SULT1C2: variants seen among roughly 807,000 people sequenced by gnomAD.
SULT1C2 encodes sulfotransferase family 1C member 2.
SULT1C2 carries 27 observed loss-of-function variants against 36.0 expected under a neutral mutation model. The observed-to-expected ratio is 0.75, with a 90% CI of 0.55 to 1.03. SULT1C2 has a LOEUF of 1.03. SULT1C2 is among the 50% of genes least tolerant of loss of function. The pLI is 0.00. For synonymous variants in SULT1C2, 121 were observed against 116.0 expected, an observed-to-expected ratio of 1.04 and a Z score of -0.27; for missense variants, 395 against 359.2, an observed-to-expected ratio of 1.10 and a Z score of -0.80.
intron 4 of SULT1C2, chr2:108,301,138 G>C: frequency 1.1e-5 from 7 of 639,664 alleles, no homozygotes; most frequent in African/African-American, 1.8e-5. Flanking sequence ...GCAGGATCCA[G>C]ATTGAATGTT....
rs754579607 is a variant in SULT1C2 at position 108,294,316 on chromosome 2, A to G, written c.239A>G (p.His80Arg). Residue 80 changes from histidine (H) to arginine (R), a missense_variant, in exon 3 of 8, where the codon CAT becomes CGT. Coordinates refer to ENST00000251481, the MANE Select transcript of SULT1C2 (RefSeq NM_001056.4). Reference protein sequence around the residue: ...KCQRAIIQHRHPFIEWARPPQ... With the variant: ...KCQRAIIQHRRPFIEWARPPQ... ...CAGCGAGCCATCATCCAACACCGCC[A>G]TCCTTTCATTGAGTGGGCTCGGCCA... 6.2e-7 allele frequency: 1 copy of G among 1,613,944 alleles called. No individual in the cohort carries two copies. The highest frequency in any genetic ancestry group is 8.5e-7 in the Non-Finnish European group (1 of 1,179,926).
chr2:108,306,434 A>C (rs906142335), intron 7 of SULT1C2, among the ~76,000 whole-genome samples: 2 of 85,658 alleles, frequency 2.3e-5, no homozygotes, highest in African/African-American at 1.3e-4. Context: ...GCAAGACCCC[A>C]TCTCTACAAA....
chr2:108,289,718 A>T (rs1030464087), intron 1 of SULT1C2, among the ~76,000 whole-genome samples: 7 of 152,164 alleles, frequency 4.6e-5, no homozygotes, highest in Non-Finnish European at 7.4e-5. Flanking sequence ...GGCAGGAACC[A>T]TGTGCTGATG....
At position 108,293,788 on chromosome 2, in the gene SULT1C2, G is replaced by GC. The variant is rs1381152754; in HGVS notation, c.121_122insC (p.Asp41AlafsTer9). On this transcript the variant is annotated frameshift_variant, in exon 2 of 8. Transcript: ENST00000251481. LOFTEE classifies it high-confidence loss of function. ...CCAGAGCTTCGAGGCCAAACCAGAT[G>GC]ATCTCCTCATCTGCACCTACCCTAA... 6.2e-7 allele frequency: 1 copy of GC among 1,614,048 alleles called. No homozygotes were observed. Among genetic ancestry groups the GC allele is most frequent in the East Asian group, 2.2e-5 (1 of 44,874 alleles).
chr2:108,306,703 C>T (rs755454751), intron 7 of SULT1C2, among the ~76,000 whole-genome samples: 9 of 152,114 alleles, frequency 5.9e-5, no homozygotes, highest in Non-Finnish European at 1.2e-4. Context: ...GTCAAGAGAT[C>T]AAGACCAACC....
chr2:108,301,262 C>A, intron 4 of SULT1C2: 1 of 252,526 alleles, frequency 4.0e-6, no homozygotes. Context: ...TCTAACAGAC[C>A]AGGGAGGGAA....
At chr2:108,302,321 T>G (rs1478779130) in intron 4 of SULT1C2, 1 of 152,150 alleles carries the variant, frequency 6.6e-6, no homozygotes, top group East Asian at 1.9e-4. Flanking sequence ...AATGGATGGG[T>G]GGAGGAGGCA....
At chr2:108,293,561 C>G (rs1676648525) in intron 1 of SULT1C2, 86 bp from the exon 2 acceptor site, 1 of 1,326,600 alleles carries the variant, frequency 7.5e-7, no homozygotes, top group African/African-American at 1.5e-5. Flanking sequence ...GAACTGTACA[C>G]CTAACGATGG....
chr2:108,296,446 G>C lies in SULT1C2; in HGVS notation c.277+2092G>C, dbSNP rs1186773926. Reference sequence around the variant, plus strand: ...CTGGCTGGAGACTCAGCTGTGCAGTGGTCGTTTGTTTGGTTTTTTTTTTGA... The same window carrying C: ...CTGGCTGGAGACTCAGCTGTGCAGTCGTCGTTTGTTTGGTTTTTTTTTTGA... On this transcript the variant is annotated intron_variant, in intron 3 of 7. Transcript: ENST00000251481. Among the ~76,000 whole-genome samples, 9 of 120,814 alleles carry C rather than the reference G, an allele frequency of 7.4e-5. 2 individuals are homozygous for C. The highest frequency in any genetic ancestry group is 3.3e-4 in the African/African-American group (9 of 27,228). 79.3% of individuals were successfully genotyped at this position (120,814 alleles called of 152,430 possible). A position where few individuals can be genotyped will look rare whatever the true frequency, so the allele number is the denominator to read the frequency against.
chr2:108,308,530 C>T lies in SULT1C2; in HGVS notation c.*66C>T. ...CAAATACTATCTTCAATCCTTCAGT[C>T]CCAGCCAGAAGAATCTCTGAAAGCA... On this transcript the variant is annotated 3_prime_UTR_variant, in exon 8 of 8. Transcript: ENST00000251481. 2 of 1,314,414 alleles carry T rather than the reference C, an allele frequency of 1.5e-6. No individual in the cohort carries two copies. Among genetic ancestry groups the T allele is most frequent in the Admixed American group, 2.3e-5 (1 of 43,798 alleles). 81.4% of individuals were successfully genotyped at this position (1,314,414 alleles called of 1,614,324 possible). A position where few individuals can be genotyped will look rare whatever the true frequency, so the allele number is the denominator to read the frequency against.
At chr2:108,293,596 G>A (rs1399232695) in intron 1 of SULT1C2, 51 bp from the exon 2 acceptor site, 5 of 1,503,756 alleles carry the variant, frequency 3.3e-6, no homozygotes, top group Non-Finnish European at 4.5e-6. Context: ...TTTATGTTAT[G>A]TATATTTTAC....
intron 1 of SULT1C2, among the ~76,000 whole-genome samples, chr2:108,291,997 A>C (rs916594597): frequency 2.1e-4 from 32 of 152,308 alleles, no homozygotes; most frequent in African/African-American, 7.5e-4. Flanking sequence ...GGCTCAGCTC[A>C]ATCTGGAAGC....
chr2:108,294,445 C>CCT, intron 3 of SULT1C2, 91 bp downstream of exon 3: 11 of 1,439,064 alleles, frequency 7.6e-6, no homozygotes, highest in Non-Finnish European at 1.0e-5. Context: ...CCTCTTCTCT[C>CCT]CTCTCTCTCT....
chr2:108,300,612 A>G (rs1191649073), intron 3 of SULT1C2: 2 of 643,138 alleles, frequency 3.1e-6, no homozygotes, highest in Non-Finnish European at 4.7e-6. Flanking sequence ...CCTCATCCTT[A>G]AAGTGACAGA....
intron 3 of SULT1C2, among the ~76,000 whole-genome samples, chr2:108,298,143 T>A (rs535047318): frequency 1.3e-5 from 2 of 152,366 alleles, no homozygotes; most frequent in South Asian, 4.1e-4. Context: ...TCCAACTCCA[T>A]CCATAACCTT....
intron 4 of SULT1C2, 91 bp from the exon 5 acceptor site, chr2:108,304,483 C>T: frequency 1.4e-6 from 2 of 1,453,144 alleles, no homozygotes; most frequent in Admixed American, 2.3e-5. Context: ...CCAGAGTGCA[C>T]AGCAACCCTC....
Position 108,304,794 on chromosome 2 carries a change from A to G in SULT1C2, c.502+94A>G, listed in dbSNP as rs1676981303. On this transcript the variant is annotated intron_variant, in intron 5 of 7. Coordinates refer to ENST00000251481, the MANE Select transcript of SULT1C2 (RefSeq NM_001056.4). ...GCATTTTATCCCCTAGAATGCCTGT[A>G]CTTCATCAGGTGTGTCCTACCACAG... 6.0e-6 allele frequency: 9 copies of G among 1,494,012 alleles called. No individual in the cohort carries two copies. In the Admixed American group the frequency reaches 1.7e-4, roughly 28 times the overall value. 92.5% of individuals were successfully genotyped at this position (1,494,012 alleles called of 1,614,324 possible).
At chr2:108,293,902 A>G in intron 2 of SULT1C2, 84 bp downstream of exon 2, 2 of 1,531,820 alleles carry the variant, frequency 1.3e-6, no homozygotes, top group East Asian at 4.6e-5. Flanking sequence ...CTTCTTAGGA[A>G]ACCTGCTCCT....
At chr2:108,294,027 C>T (rs1676661644) in intron 2 of SULT1C2, among the ~76,000 whole-genome samples, 1 of 152,126 alleles carries the variant, frequency 6.6e-6, no homozygotes, top group Non-Finnish European at 1.5e-5. Flanking sequence ...GTGGAGAGAC[C>T]CTTGCCTGTG....
Sources: gnomAD v4.1 joint callset for allele counts (sites outside exome capture counted in the v4.1 genomes callset) on GRCh38, gnomAD v4.1.1 for gene constraint, MANE v1.5 for transcripts, NCBI Gene and HGNC (gene_info 2026-07-23, HGNC 2026-07-21) for gene names.